The following ERBB4 variants were observed in gnomAD, a reference collection of about 807,000 sequenced individuals.
The protein encoded by ERBB4 is receptor tyrosine-protein kinase erbB-4.
In ERBB4, 42 loss-of-function variants were observed where a neutral mutation model predicts 158.0. That is an observed-to-expected ratio of 0.27 (90% confidence interval 0.21 to 0.34). ERBB4 has a LOEUF of 0.34. Ranked by LOEUF, ERBB4 falls within the 10% of genes least tolerant of loss-of-function variation. The pLI is 1.00. For synonymous variants in ERBB4, 583 were observed against 558.7 expected (o/e 1.04, Z -0.61); for missense variants, 1,333 against 1,624.1 (o/e 0.82, Z 3.08).
At chr2:211,896,599 T>G (rs950009124) in intron 3 of ERBB4, among the ~76,000 whole-genome samples, 1 of 152,184 alleles carries the variant, frequency 6.6e-6, no homozygotes, top group African/African-American at 2.4e-5. Context: ...TAAAATAATC[T>G]TTTTTGCATT....
chr2:212,073,480 T>C (rs989747445), intron 2 of ERBB4, among the ~76,000 whole-genome samples: 4 of 151,912 alleles, frequency 2.6e-5, no homozygotes, highest in Non-Finnish European at 4.4e-5. Context: ...TCACACACCA[T>C]TGTGGCCAGA....
intron 3 of ERBB4, among the ~76,000 whole-genome samples, chr2:211,789,854 C>A (rs1285133322): frequency 6.6e-6 from 1 of 152,074 alleles, no homozygotes; most frequent in Non-Finnish European, 1.5e-5. Flanking sequence ...GTGGTCACAT[C>A]CCAAGTGCCT....
chr2:212,384,904 T>TATATATATATATATATATATATAC (rs2090623692), intron 1 of ERBB4, among the ~76,000 whole-genome samples: 1 of 138,748 alleles, frequency 7.2e-6, no homozygotes, highest in Non-Finnish European at 1.5e-5. Flanking sequence ...TATATATATA[T>TATATATATATATATATATATATAC]ATATATATAT....
At chr2:211,437,599 G>A (rs996192678) in intron 20 of ERBB4, among the ~76,000 whole-genome samples, 6 of 152,110 alleles carry the variant, frequency 3.9e-5, no homozygotes, top group Non-Finnish European at 8.8e-5. Flanking sequence ...AAGAGAGACT[G>A]GACTATTTCT....
intron 1 of ERBB4, among the ~76,000 whole-genome samples, chr2:212,276,677 C>T (rs999706096): frequency 2.6e-5 from 4 of 151,702 alleles, no homozygotes; most frequent in East Asian, 3.9e-4. Flanking sequence ...AAAATGTGCT[C>T]GCTATCAGAT....
intron 2 of ERBB4, among the ~76,000 whole-genome samples, chr2:211,967,079 T>C (rs1399812006): frequency 6.6e-6 from 1 of 152,140 alleles, no homozygotes; most frequent in Non-Finnish European, 1.5e-5. Flanking sequence ...ACACTTAGCG[T>C]ACTTAAATGA....
intron 20 of ERBB4, among the ~76,000 whole-genome samples, chr2:211,508,934 C>T (rs1414112866): frequency 7.7e-6 from 1 of 129,118 alleles, no homozygotes; most frequent in African/African-American, 3.0e-5. Flanking sequence ...TCTCAAAAAA[C>T]AAACAAACAA....
chr2:212,497,475 G>C (rs1327469238), intron 1 of ERBB4, among the ~76,000 whole-genome samples: 1 of 152,150 alleles, frequency 6.6e-6, no homozygotes, highest in Non-Finnish European at 1.5e-5. Flanking sequence ...AGACGTGACA[G>C]TGCAGTGATA....
At chr2:212,319,667 C>T (rs536821439) in intron 1 of ERBB4, among the ~76,000 whole-genome samples, 3 of 150,114 alleles carry the variant, frequency 2.0e-5, no homozygotes, top group Non-Finnish European at 1.5e-5. Context: ...TTTTATCTAA[C>T]GTCTCAGTTT....
At chr2:212,211,249 A>G (rs924575086) in intron 1 of ERBB4, among the ~76,000 whole-genome samples, 1 of 152,046 alleles carries the variant, frequency 6.6e-6, no homozygotes, top group African/African-American at 2.4e-5. Flanking sequence ...ACTTCCACTC[A>G]TCCCTCCAGT....
intron 20 of ERBB4, among the ~76,000 whole-genome samples, chr2:211,494,985 T>A (rs1049032707): frequency 1.1e-4 from 17 of 152,132 alleles, no homozygotes; most frequent in Non-Finnish European, 1.8e-4. Context: ...TTAAATATCA[T>A]CTTTCTTTAG....
chr2:212,531,013 T>G (rs2106342351), intron 1 of ERBB4, among the ~76,000 whole-genome samples: 1 of 152,274 alleles, frequency 6.6e-6, no homozygotes, highest in East Asian at 1.9e-4. Flanking sequence ...TTCCTATTGG[T>G]GTTTAGTACG....
chr2:211,812,891 C>G (rs2076792227), intron 3 of ERBB4, among the ~76,000 whole-genome samples: 1 of 152,172 alleles, frequency 6.6e-6, no homozygotes, highest in African/African-American at 2.4e-5. Context: ...TTTGCTAAGA[C>G]CTTTGGAAAA....
rs1372310107 is a variant in ERBB4, at chr2:211,773,624, ATAT to A, written c.556+14398_556+14400del. Among the ~76,000 whole-genome samples the A allele has an allele frequency of 4.7e-4, 35 of 73,938 alleles. 1 individual carries two copies. Among genetic ancestry groups the A allele is most frequent in the Non-Finnish European group, 5.8e-4 (21 of 36,206 alleles). 48.5% of individuals were successfully genotyped at this position (73,938 alleles called of 152,430 possible). ...TATATATATATATATATATATATAT[ATAT>A]ATATATATATATATATATATAATAT... On this transcript the variant is annotated intron_variant, in intron 4 of 27. Coordinates refer to ENST00000342788, the MANE Select transcript of ERBB4 (RefSeq NM_005235.3).
At chr2:211,988,594 T>C (rs1174799867) in intron 2 of ERBB4, among the ~76,000 whole-genome samples, 2 of 152,198 alleles carry the variant, frequency 1.3e-5, no homozygotes, top group African/African-American at 2.4e-5. Flanking sequence ...AGTTTCTAAA[T>C]TATTCTTTAC....
chr2:211,412,413 G>A (rs941299286), intron 25 of ERBB4, among the ~76,000 whole-genome samples: 4 of 152,106 alleles, frequency 2.6e-5, no homozygotes, highest in Non-Finnish European at 4.4e-5. Context: ...TTCCAAGCTA[G>A]ATAATCAGCC....
intron 1 of ERBB4, among the ~76,000 whole-genome samples, chr2:212,426,056 CTT>C: frequency 6.6e-6 from 1 of 152,048 alleles, no homozygotes; most frequent in East Asian, 1.9e-4. Context: ...AAATCTGAGA[CTT>C]TATCTCCTTT....
chr2:212,486,273 A>T (rs1053053845), intron 1 of ERBB4, among the ~76,000 whole-genome samples: 6 of 151,948 alleles, frequency 3.9e-5, no homozygotes, highest in African/African-American at 1.5e-4. Context: ...GATTACAAAA[A>T]ACATAAAACA....
chr2:211,629,988 C>A (rs940405466), intron 17 of ERBB4, among the ~76,000 whole-genome samples: 3 of 152,168 alleles, frequency 2.0e-5, no homozygotes, highest in Non-Finnish European at 4.4e-5. Flanking sequence ...TAGGCATGGG[C>A]AAGGACTTCA....
Sources: allele counts gnomAD v4.1 joint callset (sites outside exome capture counted in the v4.1 genomes callset), GRCh38; gene constraint gnomAD v4.1.1; transcripts MANE v1.5; gene names NCBI Gene and HGNC (gene_info 2026-07-23, HGNC 2026-07-21).